The following PTPRT variants were observed in gnomAD, a reference collection of about 807,000 sequenced individuals.
The protein encoded by PTPRT is receptor-type tyrosine-protein phosphatase T.
Under a neutral mutation model 176.8 loss-of-function variants are expected in PTPRT, and 56 were observed. The observed-to-expected ratio is 0.32, with a 90% confidence interval of 0.26 to 0.40. The LOEUF (loss-of-function observed/expected upper bound fraction) is 0.40. Ranked by LOEUF, PTPRT falls within the 10% of genes least tolerant of loss-of-function variation. The pLI is 1.00. For missense variants in PTPRT, 1,540 were observed against 1,908.2 expected (o/e 0.81, Z 3.60); for synonymous variants, 783 against 739.0 (o/e 1.06, Z -0.96).
At chr20:42,706,687 CTAT>C (rs1231295860) in intron 6 of PTPRT, among the ~76,000 whole-genome samples, 2 of 152,082 alleles carry the variant, frequency 1.3e-5, no homozygotes, top group Non-Finnish European at 2.9e-5. Flanking sequence ...ATAACTGAAA[CTAT>C]TACAGAATCA....
intron 8 of PTPRT, among the ~76,000 whole-genome samples, chr20:42,450,554 T>A (rs2070810167): frequency 6.6e-6 from 1 of 152,224 alleles, no homozygotes; most frequent in African/African-American, 2.4e-5. Flanking sequence ...CTCATCTTTG[T>A]CTTATGGGCT....
intron 22 of PTPRT, among the ~76,000 whole-genome samples, chr20:42,111,435 C>T (rs1309550493): frequency 2.0e-5 from 3 of 152,124 alleles, no homozygotes; most frequent in Admixed American, 6.5e-5. Context: ...ATGGCCTTGT[C>T]GGGGAGGCAG....
chr20:42,878,829 C>A (rs759015246), intron 2 of PTPRT, among the ~76,000 whole-genome samples: 1 of 152,050 alleles, frequency 6.6e-6, no homozygotes, highest in Non-Finnish European at 1.5e-5. Context: ...GAGATTGAGA[C>A]CATCCTGGCT....
chr20:42,728,855 T>C (rs184263146), intron 6 of PTPRT, among the ~76,000 whole-genome samples: 62 of 152,294 alleles, frequency 4.1e-4, no homozygotes, highest in African/African-American at 1.4e-3. Context: ...TCATTTAACT[T>C]CACATCCTAG....
chr20:42,899,693 G>T (rs1234115377), intron 1 of PTPRT, among the ~76,000 whole-genome samples: 3 of 152,188 alleles, frequency 2.0e-5, no homozygotes, highest in African/African-American at 7.2e-5. Context: ...ACTCATCAAA[G>T]AGCCTAGTAC....
intron 7 of PTPRT, among the ~76,000 whole-genome samples, chr20:42,565,593 G>A (rs746883550): frequency 6.6e-6 from 1 of 152,112 alleles, no homozygotes; most frequent in Admixed American, 6.6e-5. Flanking sequence ...TAGAATGAAC[G>A]AATTTGGGGA....
At chr20:42,327,913 A>C (rs1051441758) in intron 11 of PTPRT, among the ~76,000 whole-genome samples, 19 of 152,108 alleles carry the variant, frequency 1.2e-4, no homozygotes, top group African/African-American at 4.6e-4. Context: ...TATTTTAAAA[A>C]TCATATCAGG....
chr20:42,159,127 C>T (rs1444221733), intron 17 of PTPRT, among the ~76,000 whole-genome samples: 2 of 149,834 alleles, frequency 1.3e-5, no homozygotes, highest in Admixed American at 6.7e-5. Flanking sequence ...TGGTAAGCCA[C>T]ATATCTCCCT....
At chr20:42,996,782 C>G (rs1053440230) in intron 1 of PTPRT, among the ~76,000 whole-genome samples, 2 of 152,186 alleles carry the variant, frequency 1.3e-5, no homozygotes, top group African/African-American at 4.8e-5. Flanking sequence ...AGCTTTGACA[C>G]ATATCAATAT....
At chr20:42,125,686 T>C (rs1322380999) in intron 19 of PTPRT, among the ~76,000 whole-genome samples, 2 of 152,230 alleles carry the variant, frequency 1.3e-5, no homozygotes, top group African/African-American at 4.8e-5. Flanking sequence ...GAGGCATAAT[T>C]AGCAGTTGTA....
chr20:42,449,136 A>G (rs1188348615), intron 8 of PTPRT, among the ~76,000 whole-genome samples: 1 of 152,174 alleles, frequency 6.6e-6, no homozygotes, highest in Non-Finnish European at 1.5e-5. Flanking sequence ...ATGTGGCTTG[A>G]AACCCCAATC....
intron 2 of PTPRT, among the ~76,000 whole-genome samples, chr20:42,883,827 C>CACCCCACAT (rs2079056798): frequency 7.4e-6 from 1 of 134,660 alleles, no homozygotes; most frequent in Non-Finnish European, 1.6e-5. Flanking sequence ...TATGCACACA[C>CACCCCACAT]ACACACCCCC....
chr20:43,073,714 A>G (rs984276751), intron 1 of PTPRT, among the ~76,000 whole-genome samples: 2 of 151,796 alleles, frequency 1.3e-5, no homozygotes, highest in Admixed American at 1.3e-4. Context: ...AATCCTGGCT[A>G]CCCTCTAGGT....
At chr20:43,075,970 C>A (rs184987942) in intron 1 of PTPRT, among the ~76,000 whole-genome samples, 1 of 152,164 alleles carries the variant, frequency 6.6e-6, no homozygotes, top group Non-Finnish European at 1.5e-5. Flanking sequence ...CTATGCCTTA[C>A]AGAGTTAAAG....
intron 9 of PTPRT, among the ~76,000 whole-genome samples, chr20:42,426,947 G>A (rs1450615114): frequency 6.6e-6 from 1 of 152,190 alleles, no homozygotes; most frequent in Non-Finnish European, 1.5e-5. Context: ...AAAGGTAGGA[G>A]GGCAGAGGTC....
At position 42,794,959 on chromosome 20, in the gene PTPRT, T is replaced by C. The variant is rs555179905; in HGVS notation, c.215-3493A>G. On this transcript the variant is annotated intron_variant, in intron 2 of 30. Coordinates refer to ENST00000373187, the MANE Select transcript of PTPRT (RefSeq NM_007050.6). ...ACACCCTCCAGAAAGGAAGGGAGCC[T>C]ATCTGCGAGTTGAGCTCAAGCGCGC... 3.0e-4 allele frequency among the ~76,000 whole-genome samples: 46 copies of C among 152,174 alleles called. No individual in the cohort carries two copies. The South Asian group carries it at 8.9e-3, about 30-fold the overall frequency.
intron 7 of PTPRT, among the ~76,000 whole-genome samples, chr20:42,600,780 A>T (rs1389912978): frequency 6.6e-6 from 1 of 152,174 alleles, no homozygotes; most frequent in African/African-American, 2.4e-5. Context: ...GTTGCAAAAT[A>T]CATACTTTTA....
intron 7 of PTPRT, among the ~76,000 whole-genome samples, chr20:42,662,338 C>G (rs1294828708): frequency 6.6e-6 from 1 of 152,130 alleles, no homozygotes; most frequent in Non-Finnish European, 1.5e-5. Context: ...AAGCATTGTA[C>G]TTAGAGTTCT....
chr20:42,193,843 T>C (rs186382002), intron 16 of PTPRT, among the ~76,000 whole-genome samples: 2 of 152,328 alleles, frequency 1.3e-5, no homozygotes, highest in Non-Finnish European at 2.9e-5. Context: ...ACCTTCACAT[T>C]TTCCTGATAC....
Sources: gnomAD v4.1 joint callset for allele counts (sites outside exome capture counted in the v4.1 genomes callset) on GRCh38, gnomAD v4.1.1 for gene constraint, MANE v1.5 for transcripts, NCBI Gene and HGNC (gene_info 2026-07-23, HGNC 2026-07-21) for gene names.